The following ACACA variants were observed in gnomAD, a reference collection of about 807,000 sequenced individuals.
The protein encoded by ACACA is acetyl-CoA carboxylase alpha.
In ACACA, 103 loss-of-function variants were observed where a neutral mutation model predicts 296.1. The observed-to-expected ratio is 0.35, with a 90% confidence interval of 0.30 to 0.41. The LOEUF is 0.41. Ranked by LOEUF, ACACA falls within the 10% of genes least tolerant of loss-of-function variation. The pLI is 1.00. For synonymous variants in ACACA, 953 were observed against 1,038.6 expected, an observed-to-expected ratio of 0.92 and a Z score of 1.58; for missense variants, 1,554 against 2,989.7, an observed-to-expected ratio of 0.52 and a Z score of 11.20.
At position 37,224,967 on chromosome 17, in the gene ACACA, T is replaced by C. The variant is rs1346957402; in HGVS notation, c.3474+25A>G. 11 of 118,716 alleles carry C rather than the reference T, an allele frequency of 9.3e-5. 1 individual carries two copies. The South Asian group carries it at 3.1e-3, about 33-fold the overall frequency. The allele number at this position is 118,716 out of a possible 1,614,324, so 7.4% of individuals were successfully genotyped here. ...AGAGTCCAGATAGGCAGGAAAGGGT[T>C]ATATATATATATATATATATATACC... On this transcript the variant is annotated intron_variant, in intron 27 of 55. Coordinates refer to ENST00000616317, the MANE Select transcript of ACACA (RefSeq NM_198834.3).
intron 38 of ACACA, among the ~76,000 whole-genome samples, 173 bp from the exon 39 acceptor site, chr17:37,188,653 G>C (rs1022579590): frequency 6.6e-6 from 1 of 152,012 alleles, no homozygotes; most frequent in African/African-American, 2.4e-5. Context: ...TTCTTTCTTG[G>C]AACAAGTCAG....
At chr17:37,147,926 G>A (rs927786865) in intron 45 of ACACA, among the ~76,000 whole-genome samples, 4 of 151,996 alleles carry the variant, frequency 2.6e-5, no homozygotes, top group Admixed American at 2.6e-4. Context: ...AATTCAACTA[G>A]CAAGTTTTCA....
chr17:37,241,543 A>G (rs2080404873), intron 23 of ACACA, among the ~76,000 whole-genome samples: 1 of 152,010 alleles, frequency 6.6e-6, no homozygotes, highest in African/African-American at 2.4e-5. Context: ...CAGCTCTTCT[A>G]AAAATACAAA....
intron 28 of ACACA, 105 bp from the exon 29 acceptor site, chr17:37,221,947 T>C: frequency 1.0e-6 from 1 of 961,042 alleles, no homozygotes; most frequent in South Asian, 1.3e-5. Flanking sequence ...GAAGGTGCTC[T>C]GTGGGGAGAG....
At chr17:37,184,848 CAAA>C (rs35132757) in intron 39 of ACACA, among the ~76,000 whole-genome samples, 16 of 108,324 alleles carry the variant, frequency 1.5e-4, no homozygotes, top group Admixed American at 3.5e-4. Context: ...GACCCTGTCT[CAAA>C]AAAAAAAAAA....
chr17:37,337,740 A>C (rs1428346870), intron 2 of ACACA, among the ~76,000 whole-genome samples: 1 of 152,074 alleles, frequency 6.6e-6, no homozygotes, highest in Non-Finnish European at 1.5e-5. Context: ...AGTGTGAGCC[A>C]CTGAGCCCAG....
chr17:37,177,566 T>G (rs2077167722), intron 41 of ACACA, among the ~76,000 whole-genome samples: 1 of 152,244 alleles, frequency 6.6e-6, no homozygotes, highest in Non-Finnish European at 1.5e-5. Flanking sequence ...TCTCATTTTG[T>G]GTTTTAATTA....
At chr17:37,122,764 A>C in intron 48 of ACACA, 137 bp from the exon 49 acceptor site, 1 of 756,898 alleles carries the variant, frequency 1.3e-6, no homozygotes, top group Non-Finnish European at 2.4e-6. Context: ...TGATTCTTCT[A>C]TGAGTTAAAT....
chr17:37,359,829 C>T (rs957006452), intron 1 of ACACA, among the ~76,000 whole-genome samples: 3 of 152,128 alleles, frequency 2.0e-5, no homozygotes, highest in Non-Finnish European at 4.4e-5. Context: ...TTTCGCTCCT[C>T]AGCCCCGAGA....
At chr17:37,331,568 C>T (rs1476847869) in intron 2 of ACACA, among the ~76,000 whole-genome samples, 1 of 151,968 alleles carries the variant, frequency 6.6e-6, no homozygotes, top group Non-Finnish European at 1.5e-5. Context: ...CCACCATGCC[C>T]GGCTGACTTT....
chr17:37,378,022 T>C (rs2050084163), intron 1 of ACACA: 1 of 1,466,912 alleles, frequency 6.8e-7, no homozygotes, highest in Admixed American at 1.7e-5. Flanking sequence ...ATTTTTACCT[T>C]TAAAAGATAT....
At chr17:37,276,190 A>G in intron 7 of ACACA, 141 bp from the exon 8 acceptor site, 1 of 700,796 alleles carries the variant, frequency 1.4e-6, no homozygotes, top group Non-Finnish European at 2.6e-6. Context: ...ATCATAAATT[A>G]TGGGGACTAT....
intron 7 of ACACA, 82 bp downstream of exon 7, chr17:37,276,951 A>G: frequency 1.6e-6 from 2 of 1,219,214 alleles, no homozygotes; most frequent in Non-Finnish European, 1.2e-6. Context: ...CATGTTAAAC[A>G]GAAAATCAGA....
chr17:37,223,436 C>T lies in ACACA; in HGVS notation c.3564+76G>A, dbSNP rs2079387260. On this transcript the variant is annotated intron_variant, in intron 28 of 55. Coordinates refer to ENST00000616317, the MANE Select transcript of ACACA (RefSeq NM_198834.3). The stretch of plus-strand genomic sequence containing the variant: ...CTTAAGGCCAGAGAACTAGAACTGA[C>T]ATGGCAGCCAAATAGACAGAAGAAA... 7 of 1,204,762 alleles carry T rather than the reference C, an allele frequency of 5.8e-6. No homozygotes were observed. The South Asian group carries it at 8.5e-5, about 15-fold the overall frequency. 74.6% of individuals were successfully genotyped at this position (1,204,762 alleles called of 1,614,324 possible).
At chr17:37,313,440 T>C (rs1247354568) in intron 3 of ACACA, among the ~76,000 whole-genome samples, 1 of 152,202 alleles carries the variant, frequency 6.6e-6, no homozygotes, top group Non-Finnish European at 1.5e-5. Flanking sequence ...AGAGGATTGA[T>C]AGCCAGAATA....
chr17:37,401,287 G>A (rs1387287927), intron 1 of ACACA, among the ~76,000 whole-genome samples: 3 of 151,124 alleles, frequency 2.0e-5, no homozygotes, highest in Admixed American at 6.6e-5. Flanking sequence ...CCGCCTCCTG[G>A]GTTCAAGTGA....
chr17:37,385,125 C>T (rs1176857067), intron 1 of ACACA, among the ~76,000 whole-genome samples: 2 of 152,098 alleles, frequency 1.3e-5, no homozygotes. Flanking sequence ...TACCCTCCTT[C>T]TACCCTTGCC....
intron 41 of ACACA, among the ~76,000 whole-genome samples, chr17:37,163,839 G>A (rs1359351939): frequency 2.0e-5 from 3 of 152,096 alleles, no homozygotes; most frequent in Non-Finnish European, 4.4e-5. Flanking sequence ...GACTTAAAAG[G>A]CAGAGGTGAC....
chr17:37,085,581 GT>G lies in ACACA; in HGVS notation c.*1734del. The G allele has an allele frequency of 2.5e-6, 1 of 398,796 alleles. No individual in the cohort carries two copies. Among genetic ancestry groups the G allele is most frequent in the Non-Finnish European group, 4.4e-6 (1 of 226,090 alleles). The allele number at this position is 398,796 out of a possible 1,614,324, so 24.7% of individuals were successfully genotyped here. On this transcript the variant is annotated 3_prime_UTR_variant, in exon 56 of 56. Transcript: ENST00000616317. ...AATGCATTTTCCTGGACTGAGAATTGTCCCCCACCACTTTATGCCCTTTTCT... is the reference window on the plus strand; with the variant it reads ...AATGCATTTTCCTGGACTGAGAATTGCCCCCACCACTTTATGCCCTTTTCT...
Sources: gnomAD v4.1 joint callset for allele counts (sites outside exome capture counted in the v4.1 genomes callset) on GRCh38, gnomAD v4.1.1 for gene constraint, MANE v1.5 for transcripts, NCBI Gene and HGNC (gene_info 2026-07-23, HGNC 2026-07-21) for gene names.